Variants in IGDCC3 observed in about 807,000 individuals in gnomAD.
The protein encoded by IGDCC3 is putative neuronal cell adhesion molecule.
In IGDCC3, 47 loss-of-function variants were observed where a neutral mutation model predicts 72.0. The ratio of observed to expected loss-of-function variants is 0.65; its 90% confidence interval spans 0.52 to 0.83. IGDCC3 has a LOEUF of 0.83. Ranked by LOEUF, IGDCC3 falls within the 40% of genes least tolerant of loss-of-function variation. The probability of loss-of-function intolerance (pLI) is 0.00; values close to 1 mark genes in which losing one functional copy is unlikely to be tolerated. For missense variants in IGDCC3, 1,038 were observed against 1,091.3 expected (o/e 0.95, Z 0.69); for synonymous variants, 477 against 472.8 (o/e 1.01, Z -0.11).
chr15:65,360,522 A>G (rs1162298748), intron 2 of IGDCC3, among the ~76,000 whole-genome samples: 1 of 151,730 alleles, frequency 6.6e-6, no homozygotes, highest in Non-Finnish European at 1.5e-5. Context: ...AATTAGGATG[A>G]AGGGAATTGT....
intron 2 of IGDCC3, among the ~76,000 whole-genome samples, chr15:65,350,970 T>C (rs1398741680): frequency 1.3e-5 from 2 of 152,216 alleles, no homozygotes; most frequent in Non-Finnish European, 2.9e-5. Flanking sequence ...TGGTGAAAGA[T>C]TATAAGAAGT....
chr15:65,361,100 C>A (rs1010427261), intron 2 of IGDCC3, among the ~76,000 whole-genome samples: 1 of 152,038 alleles, frequency 6.6e-6, no homozygotes, highest in Non-Finnish European at 1.5e-5. Context: ...TCAAGATTTG[C>A]CCATAAACTT....
chr15:65,347,288 T>C (rs1219621529), intron 2 of IGDCC3, among the ~76,000 whole-genome samples: 1 of 152,232 alleles, frequency 6.6e-6, no homozygotes, highest in Non-Finnish European at 1.5e-5. Context: ...AGTTGGGATT[T>C]AGGTAACAGA....
intron 2 of IGDCC3, among the ~76,000 whole-genome samples, chr15:65,343,016 T>C (rs951183239): frequency 1.3e-5 from 2 of 152,118 alleles, no homozygotes; most frequent in African/African-American, 2.4e-5. Flanking sequence ...AGCACCACCA[T>C]TATGGGCTGT....
In IGDCC3 at chr15:65,329,434, A is replaced by C. The variant is rs768491748; in HGVS notation, c.2161T>G (p.Phe721Val). 165 of 1,606,376 alleles carry C rather than the reference A, an allele frequency of 1.0e-4. 1 individual carries two copies. In the East Asian group the frequency reaches 3.6e-3, roughly 35 times the overall value. ...RVDMKELEQL[F>V]PPASAAGQPD... is the part of the protein sequence containing the mutation. ...TGCCCTGCTGCGCTGGCCGGGGGGA[A>C]CAGCTGCTCCAGCTCCTTCATATCC... Residue 721 changes from phenylalanine (F) to valine (V), a missense_variant, in exon 13 of 14, where the codon TTC becomes GTC. Physicochemically the swap from Phe to Val is conservative, Grantham distance 50. Coordinates refer to ENST00000327987, the MANE Select transcript of IGDCC3 (RefSeq NM_004884.4). This position sits in a 1 kb window ranked among gnomAD's most constrained non-coding sequence, Gnocchi z 4.1.
At chr15:65,330,521 C>G (rs1334436428) in intron 10 of IGDCC3, 29 bp downstream of exon 10, 2 of 1,607,786 alleles carry the variant, frequency 1.2e-6, no homozygotes, top group South Asian at 2.2e-5. Flanking sequence ...CTGCCAAGCC[C>G]CCTAGGCTCT....
At chr15:65,352,585 C>A (rs934202417) in intron 2 of IGDCC3, among the ~76,000 whole-genome samples, 1 of 151,970 alleles carries the variant, frequency 6.6e-6, no homozygotes, top group South Asian at 2.1e-4. Context: ...TATCTTGGGA[C>A]CTCAAAAAGA....
chr15:65,362,549 G>GA (rs2091267946), intron 2 of IGDCC3, among the ~76,000 whole-genome samples: 2 of 150,024 alleles, frequency 1.3e-5, no homozygotes, highest in Non-Finnish European at 3.0e-5. Flanking sequence ...TGCCCCCACT[G>GA]GCAAGGGGTG....
intron 2 of IGDCC3, among the ~76,000 whole-genome samples, chr15:65,341,726 C>T (rs2091082962): frequency 6.6e-6 from 1 of 152,226 alleles, no homozygotes; most frequent in South Asian, 2.1e-4. Flanking sequence ...CAATCATCAA[C>T]CATCCCATGT....
intron 2 of IGDCC3, among the ~76,000 whole-genome samples, chr15:65,338,830 G>A (rs2091053756): frequency 6.6e-6 from 1 of 152,180 alleles, no homozygotes; most frequent in Non-Finnish European, 1.5e-5. Flanking sequence ...CAATCTCTGG[G>A]CCAGCAAACT....
rs1181674147 is a variant in IGDCC3, at chr15:65,327,790, GAC to G, written c.*1117_*1118del. The G allele has an allele frequency of 6.6e-6, 1 of 152,508 alleles. No homozygotes were observed. Among genetic ancestry groups the G allele is most frequent in the Non-Finnish European group, 1.5e-5 (1 of 68,052 alleles). The allele number at this position is 152,508 out of a possible 1,614,324, so 9.4% of individuals were successfully genotyped here. A position where few individuals can be genotyped will look rare whatever the true frequency, so the allele number is the denominator to read the frequency against. On this transcript the variant is annotated 3_prime_UTR_variant, in exon 14 of 14. Transcript: ENST00000327987. Reference sequence around the variant, plus strand: ...CTGAGGCTGGGGCGCCTCTGCAGGGGACACCCACACCCCCTCACCCTCCCACA... The same window carrying G: ...CTGAGGCTGGGGCGCCTCTGCAGGGGACCCACACCCCCTCACCCTCCCACA...
chr15:65,331,609 C>T lies in IGDCC3; in HGVS notation c.1199G>A (p.Cys400Tyr). 1 of 1,613,314 alleles carries T rather than the reference C, an allele frequency of 6.2e-7. No individual in the cohort carries two copies. The change falls in exon 8 of 14, where the codon TGT becomes TAT. Residue 400 changes from cysteine to tyrosine, a missense_variant. Cys to Tyr is a radical substitution (Grantham distance 194). Transcript: ENST00000327987. The stretch of plus-strand genomic sequence containing the variant: ...TGAGCCCGCACTGTTCTCGGCCACA[C>T]ACTGATAAATGGCTTCATCCTCAGG... ...IGPEDEAIYQ[C>Y]VAENSAGSSQ...
rs968649247 is a variant in IGDCC3 at position 65,339,506 on chromosome 15, G to A, written c.410-3550C>T. On this transcript the variant is annotated intron_variant, in intron 2 of 13. Transcript: ENST00000327987. The surrounding 1 kb of genome is among the most constrained non-coding windows in gnomAD (Gnocchi z 4.1). ...TTTCGGCCCCCTCTAGTTTCTCAGG[G>A]TGGAACATGTTTGATTCACAAGTGT... Among the ~76,000 whole-genome samples the A allele has an allele frequency of 6.6e-6, 1 of 152,242 alleles. No homozygotes were observed. Among genetic ancestry groups the A allele is most frequent in the Non-Finnish European group, 1.5e-5 (1 of 68,050 alleles).
At chr15:65,367,531 T>TAATAA (rs552138044) in intron 2 of IGDCC3, among the ~76,000 whole-genome samples, 5 of 151,376 alleles carry the variant, frequency 3.3e-5, no homozygotes, top group Admixed American at 1.3e-4. Flanking sequence ...AGTATAATAA[T>TAATAA]AATAAAATAA....
intron 7 of IGDCC3, 104 bp downstream of exon 7, chr15:65,331,837 C>T (rs1225117370): frequency 1.4e-6 from 2 of 1,436,568 alleles, no homozygotes; most frequent in Admixed American, 2.0e-5. Context: ...CAATTCTGTG[C>T]TCTTCCCTGG....
In IGDCC3 at chr15:65,333,175, G is replaced by C. The variant is rs940594018; in HGVS notation, c.982+82C>G. ...AGTCCAGGAGACTGGGGTGGGACAG[G>C]GCCCTGGGGTTGGGCCTGGGCTGGG... is the stretch of plus-strand genomic sequence containing the variant. On this transcript the variant is annotated intron_variant, in intron 6 of 13. Transcript: ENST00000327987. 14 of 1,359,178 alleles carry C rather than the reference G, an allele frequency of 1.0e-5. No individual in the cohort carries two copies. In the African/African-American group the frequency reaches 2.1e-4, roughly 20 times the overall value. 84.2% of individuals were successfully genotyped at this position (1,359,178 alleles called of 1,614,324 possible). A position where few individuals can be genotyped will look rare whatever the true frequency, so the allele number is the denominator to read the frequency against.
At chr15:65,356,865 T>G (rs1024725056) in intron 2 of IGDCC3, among the ~76,000 whole-genome samples, 1 of 144,830 alleles carries the variant, frequency 6.9e-6, no homozygotes, top group African/African-American at 2.6e-5. Context: ...TTTTTTTTTT[T>G]TTGAGATGGA....
intron 2 of IGDCC3, among the ~76,000 whole-genome samples, chr15:65,338,713 C>A (rs1487567361): frequency 6.6e-6 from 1 of 152,072 alleles, no homozygotes; most frequent in Non-Finnish European, 1.5e-5. Context: ...TTCTGTGAGA[C>A]CCTGGGCAGG....
intron 6 of IGDCC3, among the ~76,000 whole-genome samples, chr15:65,332,898 G>C (rs1237805323): frequency 1.3e-5 from 2 of 152,238 alleles, no homozygotes; most frequent in African/African-American, 4.8e-5. Flanking sequence ...GTGTGAGCGT[G>C]GAGATGCCAC....
Sources: allele counts gnomAD v4.1 joint callset (sites outside exome capture counted in the v4.1 genomes callset), GRCh38; gene constraint gnomAD v4.1.1; non-coding constraint Gnocchi (gnomAD v3.1); transcripts MANE v1.5; gene names NCBI Gene and HGNC (gene_info 2026-07-23, HGNC 2026-07-21).